The following RAP1GDS1 variants were observed in gnomAD, a reference collection of about 807,000 sequenced individuals.
The protein encoded by RAP1GDS1 is Rap1 GTPase-GDP dissociation stimulator 1, also known as RAP1, GTP-GDP dissociation stimulator 1.
In RAP1GDS1, 35 loss-of-function variants were observed where a neutral mutation model predicts 71.1. That is an observed-to-expected ratio of 0.49 (90% CI 0.38 to 0.65). The LOEUF is 0.65. Among genes scored for constraint, RAP1GDS1 ranks in the 30% least tolerant of loss-of-function variants. The pLI is 0.00. For synonymous variants in RAP1GDS1, 229 were observed against 243.1 expected, an observed-to-expected ratio of 0.94 and a Z score of 0.54; for missense variants, 663 against 706.1, an observed-to-expected ratio of 0.94 and a Z score of 0.69.
rs183933419 is a variant in RAP1GDS1, at chr4:98,348,366, T to C, written c.236-4110T>C. Among the ~76,000 whole-genome samples, 589 of 152,346 alleles carry C rather than the reference T, an allele frequency of 3.9e-3. 6 individuals are homozygous for C. Among genetic ancestry groups the C allele is most frequent in the African/African-American group, 0.013 (555 of 41,580 alleles). ...CACATTTTCTTAATCCAGTCTATCATTGATGGGCATTTGGGTTGGTTCCAA... is the reference window on the plus strand; with the variant it reads ...CACATTTTCTTAATCCAGTCTATCACTGATGGGCATTTGGGTTGGTTCCAA... On this transcript the variant is annotated intron_variant, in intron 3 of 14. Transcript: ENST00000408927.
At position 98,338,351 on chromosome 4, in the gene RAP1GDS1, T is replaced by C. The variant is rs76900854; in HGVS notation, c.113-4788T>C. ...TATTTAGCATATACCCAAGTGCAAATGCTTTGTTTTCTGTTGCATAAAAGG... is the reference window on the plus strand; with the variant it reads ...TATTTAGCATATACCCAAGTGCAAACGCTTTGTTTTCTGTTGCATAAAAGG... On this transcript the variant is annotated intron_variant, in intron 2 of 14. Coordinates refer to ENST00000408927, the MANE Select transcript of RAP1GDS1 (RefSeq NM_001100427.2). Among the ~76,000 whole-genome samples, 1,336 of 152,256 alleles carry C rather than the reference T, an allele frequency of 8.8e-3. 21 individuals are homozygous for C. The highest frequency in any genetic ancestry group is 0.03 in the African/African-American group (1,256 of 41,544).
intron 12 of RAP1GDS1, among the ~76,000 whole-genome samples, chr4:98,426,369 A>G (rs991704241): frequency 1.3e-5 from 2 of 152,178 alleles, no homozygotes; most frequent in African/African-American, 4.8e-5. Context: ...GGAAATAACC[A>G]AGATCAGAGC....
At chr4:98,350,832 C>A (rs7440164) in intron 3 of RAP1GDS1, among the ~76,000 whole-genome samples, 10,143 of 151,880 alleles carry the variant, frequency 0.067, 388 homozygotes, top group Admixed American at 0.14. Flanking sequence ...AGCAAGGCTC[C>A]GTCTCAAAAA....
At chr4:98,267,229 G>A (rs1578241343) in intron 1 of RAP1GDS1, among the ~76,000 whole-genome samples, 1 of 152,082 alleles carries the variant, frequency 6.6e-6, no homozygotes, top group Non-Finnish European at 1.5e-5. Context: ...GGTAATGCTG[G>A]CCTCATTAAA....
intron 2 of RAP1GDS1, among the ~76,000 whole-genome samples, chr4:98,337,661 A>G (rs144321949): frequency 5.9e-5 from 9 of 152,220 alleles, no homozygotes; most frequent in Non-Finnish European, 1.3e-4. Flanking sequence ...CATTAAAAAG[A>G]TTGAATAGCT....
intron 4 of RAP1GDS1, among the ~76,000 whole-genome samples, chr4:98,361,747 C>G (rs1469611412): frequency 6.6e-6 from 1 of 152,172 alleles, no homozygotes; most frequent in Non-Finnish European, 1.5e-5. Context: ...ATTTACTTTT[C>G]CTGATCTGGC....
intron 2 of RAP1GDS1, among the ~76,000 whole-genome samples, chr4:98,300,137 G>A (rs1369029110): frequency 3.9e-5 from 6 of 152,110 alleles, no homozygotes; most frequent in Admixed American, 1.3e-4. Context: ...AGTCAATCAG[G>A]ATGATAAACT....
chr4:98,340,246 A>G (rs1375084617), intron 2 of RAP1GDS1, among the ~76,000 whole-genome samples: 1 of 152,220 alleles, frequency 6.6e-6, no homozygotes, highest in Non-Finnish European at 1.5e-5. Flanking sequence ...ATTCACAGTA[A>G]CAAAGACATG....
chr4:98,355,277 G>C (rs1737793486), intron 4 of RAP1GDS1, among the ~76,000 whole-genome samples: 1 of 152,108 alleles, frequency 6.6e-6, no homozygotes, highest in Non-Finnish European at 1.5e-5. Context: ...CTACATGATA[G>C]CCTTGTGATC....
At chr4:98,395,074 A>G (rs973700696) in intron 6 of RAP1GDS1, among the ~76,000 whole-genome samples, 1 of 152,188 alleles carries the variant, frequency 6.6e-6, no homozygotes, top group African/African-American at 2.4e-5. Flanking sequence ...TCTATTATTC[A>G]TAAATCATTT....
rs1424576283 is a variant in RAP1GDS1 at position 98,421,359 on chromosome 4, C to T, written c.1405C>T (p.Leu469=). 1 of 1,608,598 alleles carries T rather than the reference C, an allele frequency of 6.2e-7. No homozygotes were observed. The highest frequency in any genetic ancestry group is 8.5e-7 in the Non-Finnish European group (1 of 1,176,944). ...TGGTGTGATGGGGGAGTCAAACAGA[C>T]TGCTGTCTGCCCTTATACGACACAG... is the stretch of plus-strand genomic sequence containing the variant. The part of the protein sequence containing the change: ...HAGVMGESNR[L]LSALIRHSKS... Residue 469 remains leucine (L), a synonymous_variant, in exon 12 of 15, where the codon CTG becomes TTG. Coordinates refer to ENST00000408927, the MANE Select transcript of RAP1GDS1 (RefSeq NM_001100427.2).
At chr4:98,300,478 C>T (rs1031626277) in intron 2 of RAP1GDS1, among the ~76,000 whole-genome samples, 3 of 151,614 alleles carry the variant, frequency 2.0e-5, no homozygotes, top group Admixed American at 2.0e-4. Context: ...TGGCTCACTG[C>T]AACCTCCTCC....
chr4:98,306,897 C>G (rs549874197), intron 2 of RAP1GDS1, among the ~76,000 whole-genome samples: 2 of 151,952 alleles, frequency 1.3e-5, no homozygotes, highest in Non-Finnish European at 2.9e-5. Context: ...TTCTGAATAC[C>G]CACTTGGCAT....
chr4:98,425,975 A>G (rs1749552951), intron 12 of RAP1GDS1, among the ~76,000 whole-genome samples: 1 of 152,200 alleles, frequency 6.6e-6, no homozygotes. Flanking sequence ...ATAATAGACC[A>G]CAAAACAAGC....
intron 2 of RAP1GDS1, among the ~76,000 whole-genome samples, chr4:98,332,109 GCTT>G (rs1287638714): frequency 1.3e-5 from 2 of 152,164 alleles, no homozygotes; most frequent in African/African-American, 4.8e-5. Flanking sequence ...CAGTGTAATT[GCTT>G]CTTCTTATGG....
chr4:98,322,857 AG>A (rs2110344663), intron 2 of RAP1GDS1, among the ~76,000 whole-genome samples: 2 of 131,596 alleles, frequency 1.5e-5, no homozygotes, highest in South Asian at 5.0e-4. Context: ...CACAATTAAA[AG>A]AACTAGAAAA....
rs746241405 is a variant in RAP1GDS1 at position 98,391,923 on chromosome 4, CTGT to C, written c.509-21_509-19del. On this transcript the variant is annotated intron_variant, in intron 5 of 14. Transcript: ENST00000408927. ...ATTTGACATGTCAACACTTTCTTTT[CTGT>C]TGTTGTTTTTTTTTTGTTTTTACAG... 709 of 1,545,560 alleles carry C rather than the reference CTGT, an allele frequency of 4.6e-4. 1 individual carries two copies. Among genetic ancestry groups the C allele is most frequent in the Middle Eastern group, 2.8e-3 (14 of 5,044 alleles).
intron 6 of RAP1GDS1, among the ~76,000 whole-genome samples, chr4:98,398,017 C>T (rs543258035): frequency 6.6e-6 from 1 of 152,230 alleles, no homozygotes; most frequent in East Asian, 1.9e-4. Context: ...GTACTCATAG[C>T]TCCTAATCAG....
At chr4:98,285,851 A>G (rs960900753) in intron 1 of RAP1GDS1, among the ~76,000 whole-genome samples, 1 of 147,334 alleles carries the variant, frequency 6.8e-6, no homozygotes, top group African/African-American at 2.5e-5. Context: ...TAAATAATTT[A>G]AATAAATAAT....
Sources: allele counts gnomAD v4.1 joint callset (sites outside exome capture counted in the v4.1 genomes callset), GRCh38; gene constraint gnomAD v4.1.1; transcripts MANE v1.5; gene names NCBI Gene and HGNC (gene_info 2026-07-23, HGNC 2026-07-21).